CLVS1: variants seen among roughly 807,000 people sequenced by gnomAD.
The protein encoded by CLVS1 is clavesin 1.
In CLVS1, 10 loss-of-function variants were observed where a neutral mutation model predicts 33.1. The observed-to-expected ratio is 0.30, with a 90% CI of 0.19 to 0.51. CLVS1 has a LOEUF of 0.51. Ranked by LOEUF, CLVS1 falls within the 20% of genes least tolerant of loss-of-function variation. The pLI is 0.97. For synonymous variants in CLVS1, 163 were observed against 166.1 expected (o/e 0.98, Z 0.14); for missense variants, 343 against 433.4 (o/e 0.79, Z 1.85).
At chr8:61,087,615 G>A (rs6994355) in intron 1 of CLVS1, among the ~76,000 whole-genome samples, 1 of 152,108 alleles carries the variant, frequency 6.6e-6, no homozygotes, top group Non-Finnish European at 1.5e-5. Context: ...TCTCAACATT[G>A]GATGAACGTT....
At chr8:61,381,522 A>T (rs1158255934) in intron 3 of CLVS1, among the ~76,000 whole-genome samples, 5 of 152,124 alleles carry the variant, frequency 3.3e-5, no homozygotes, top group Admixed American at 3.3e-4. Context: ...TGGTGTACAG[A>T]TTATTTCATT....
intron 2 of CLVS1, among the ~76,000 whole-genome samples, chr8:61,305,356 A>AC (rs907232158): frequency 2.0e-5 from 3 of 151,740 alleles, no homozygotes; most frequent in Non-Finnish European, 4.4e-5. Context: ...TCTCTGATTA[A>AC]CCACCAATCT....
At chr8:61,239,425 TTA>T (rs1334235828) in intron 2 of CLVS1, among the ~76,000 whole-genome samples, 2 of 152,220 alleles carry the variant, frequency 1.3e-5, no homozygotes. Flanking sequence ...GGTATTTTTT[TTA>T]GTCTTTTAAT....
At chr8:61,490,034 G>A (rs771315976) in intron 5 of CLVS1, among the ~76,000 whole-genome samples, 1 of 152,212 alleles carries the variant, frequency 6.6e-6, no homozygotes, top group Admixed American at 6.5e-5. Context: ...ATGGAAGTCA[G>A]GCTGGGCACA....
At chr8:61,127,956 A>G (rs1333763314) in intron 1 of CLVS1, among the ~76,000 whole-genome samples, 2 of 152,254 alleles carry the variant, frequency 1.3e-5, no homozygotes, top group East Asian at 3.8e-4. Flanking sequence ...CAGGGCTAAA[A>G]GGCAATGCTT....
chr8:61,278,206 T>G (rs1193893833), intron 2 of CLVS1, among the ~76,000 whole-genome samples: 3 of 152,204 alleles, frequency 2.0e-5, no homozygotes, highest in Admixed American at 2.0e-4. Flanking sequence ...GAAGGTATAT[T>G]CTGATCTCCC....
intron 1 of CLVS1, chr8:61,090,853 T>C (rs1395810155): frequency 1.9e-6 from 1 of 518,488 alleles, no homozygotes; most frequent in East Asian, 5.4e-5. Flanking sequence ...TTGGGACTTT[T>C]GAGCTGATGA....
chr8:61,046,394 T>C, the CLVS1 span, among the ~76,000 whole-genome samples: 1 of 146,292 alleles, frequency 6.8e-6, no homozygotes, highest in Non-Finnish European at 1.5e-5. Context: ...TACTGTAGCC[T>C]TGTAGTATAG....
chr8:61,063,874 T>C (rs1290019169), intron 1 of CLVS1, among the ~76,000 whole-genome samples: 1 of 152,160 alleles, frequency 6.6e-6, no homozygotes, highest in African/African-American at 2.4e-5. Flanking sequence ...CATTAACCAA[T>C]AACCTCATTT....
intron 2 of CLVS1, among the ~76,000 whole-genome samples, chr8:61,137,275 T>C (rs1213975072): frequency 1.3e-5 from 2 of 152,148 alleles, no homozygotes; most frequent in African/African-American, 2.4e-5. Flanking sequence ...TGGTGCCAGG[T>C]ACTTTTGCTT....
the CLVS1 span, among the ~76,000 whole-genome samples, chr8:60,984,413 C>T: frequency 6.6e-6 from 1 of 151,614 alleles, no homozygotes; most frequent in African/African-American, 2.4e-5. Context: ...CTTTGCCTCC[C>T]AGGTTCAAGT....
At chr8:61,310,601 GAC>G (rs1453401717) in intron 2 of CLVS1, among the ~76,000 whole-genome samples, 1 of 152,194 alleles carries the variant, frequency 6.6e-6, no homozygotes, top group Non-Finnish European at 1.5e-5. Context: ...TAGCCCAAAA[GAC>G]AAATCCTGTT....
chr8:61,155,732 T>A (rs1045740168), intron 2 of CLVS1, among the ~76,000 whole-genome samples: 11 of 152,248 alleles, frequency 7.2e-5, no homozygotes, highest in African/African-American at 2.6e-4. Flanking sequence ...AAAATCCACA[T>A]GGGTAAAATA....
Position 61,484,728 on chromosome 8 carries a change from A to C in CLVS1, c.978-14727A>C, listed in dbSNP as rs529792974. ...GCTACAGTAACCAAAACAGCATGGT[A>C]CTGGTACCAAAACAGAGATATAGAC... On this transcript the variant is annotated intron_variant, in intron 5 of 5. Coordinates refer to ENST00000325897, the MANE Select transcript of CLVS1 (RefSeq NM_173519.3). 4.3e-4 allele frequency among the ~76,000 whole-genome samples: 66 copies of C among 152,268 alleles called. No individual in the cohort carries two copies. In the East Asian group the frequency reaches 8.9e-3, roughly 20 times the overall value.
intron 2 of CLVS1, among the ~76,000 whole-genome samples, chr8:61,149,263 T>G (rs565043149): frequency 6.6e-6 from 1 of 151,790 alleles, no homozygotes; most frequent in South Asian, 2.1e-4. Context: ...AAGAAAGAGA[T>G]AGAATCAGCC....
At chr8:61,149,504 A>G (rs1488654342) in intron 2 of CLVS1, among the ~76,000 whole-genome samples, 2 of 148,522 alleles carry the variant, frequency 1.3e-5, no homozygotes, top group Non-Finnish European at 3.0e-5. Flanking sequence ...GTGGGCCAAG[A>G]TCACGCCACT....
At chr8:61,149,571 A>AAAAAAAAAAC (rs1252529979) in intron 2 of CLVS1, among the ~76,000 whole-genome samples, 1 of 149,864 alleles carries the variant, frequency 6.7e-6, no homozygotes, top group African/African-American at 2.5e-5. Context: ...AAAAAAAACA[A>AAAAAAAAAAC]AAAACAAAAC....
intron 2 of CLVS1, among the ~76,000 whole-genome samples, chr8:61,359,120 G>T (rs1224217809): frequency 1.3e-5 from 2 of 151,992 alleles, no homozygotes; most frequent in African/African-American, 4.8e-5. Context: ...TGCTGATTAC[G>T]GTTTATTATG....
At chr8:61,360,099 T>C (rs769105002) in intron 2 of CLVS1, among the ~76,000 whole-genome samples, 1 of 152,102 alleles carries the variant, frequency 6.6e-6, no homozygotes, top group African/African-American at 2.4e-5. Context: ...TGGAAGTGGG[T>C]AGTACTCTGT....
Sources: allele counts gnomAD v4.1 joint callset (sites outside exome capture counted in the v4.1 genomes callset), GRCh38; gene constraint gnomAD v4.1.1; transcripts MANE v1.5; gene names NCBI Gene and HGNC (gene_info 2026-07-23, HGNC 2026-07-21).